The following ANKRD13B variants were observed in gnomAD, a reference collection of about 807,000 sequenced individuals.
ANKRD13B encodes the protein ankyrin repeat domain-containing protein 13B.
Under a neutral mutation model 74.4 loss-of-function variants are expected in ANKRD13B, and 33 were observed. The ratio of observed to expected loss-of-function variants is 0.44; its 90% CI spans 0.34 to 0.59. ANKRD13B has a LOEUF of 0.59. Ranked by LOEUF, ANKRD13B falls within the 20% of genes least tolerant of loss-of-function variation. The pLI, the probability that ANKRD13B is intolerant of heterozygous loss-of-function variation, is 0.02. For missense variants in ANKRD13B, 676 were observed against 877.9 expected (o/e 0.77, Z 2.91); for synonymous variants, 341 against 362.9 (o/e 0.94, Z 0.68).
chr17:29,593,821 C>A, intron 1 of ANKRD13B, 86 bp downstream of exon 1: 2 of 732,124 alleles, frequency 2.7e-6, no homozygotes, highest in Non-Finnish European at 3.7e-6. Context: ...CGGGCTGTCC[C>A]GCCTCCCTGG....
At position 29,610,615 on chromosome 17, in the gene ANKRD13B, A is replaced by C. The variant is rs2034548347; in HGVS notation, c.823-70A>C. On this transcript the variant is annotated intron_variant, in intron 7 of 14. Coordinates refer to ENST00000394859, the MANE Select transcript of ANKRD13B (RefSeq NM_152345.5). ...ACCCTTTGCTACAGGGAGTGTTCCC[A>C]GTGCCCTTAGGGGTAAGACACAGGG... is the stretch of plus-strand genomic sequence containing the variant. 2.1e-6 allele frequency: 3 copies of C among 1,435,692 alleles called. No individual in the cohort carries two copies. The East Asian group carries it at 7.0e-5, about 33-fold the overall frequency. The allele number at this position is 1,435,692 out of a possible 1,614,324, so 88.9% of individuals were successfully genotyped here.
At chr17:29,610,633 A>C in intron 7 of ANKRD13B, 52 bp from the exon 8 acceptor site, 1 of 1,570,084 alleles carries the variant, frequency 6.4e-7, no homozygotes, top group Non-Finnish European at 8.7e-7. Context: ...TAGGGGTAAG[A>C]CACAGGGTAA....
chr17:29,610,142 C>T (rs1394440566), intron 7 of ANKRD13B, among the ~76,000 whole-genome samples: 3 of 149,208 alleles, frequency 2.0e-5, no homozygotes, highest in Admixed American at 6.8e-5. Context: ...CAGTGTGCAG[C>T]GATCCCGCCA....
intron 1 of ANKRD13B, among the ~76,000 whole-genome samples, chr17:29,603,007 C>T (rs1274369930): frequency 1.3e-5 from 2 of 151,900 alleles, no homozygotes; most frequent in South Asian, 2.1e-4. Flanking sequence ...CCCACCACCA[C>T]GCCTGGCTAA....
At chr17:29,604,024 C>T (rs1169846149) in intron 1 of ANKRD13B, among the ~76,000 whole-genome samples, 4 of 151,308 alleles carry the variant, frequency 2.6e-5, no homozygotes, top group African/African-American at 7.3e-5. Flanking sequence ...TACAGGCTCA[C>T]GTGAGCCACC....
Position 29,612,468 on chromosome 17 carries a change from C to G in ANKRD13B, c.1325C>G (p.Pro442Arg). ...GGGAACCTCAACGGCTGCGACGAAC[C>G]GGTGCCATCGGTGCGAGGCAGCCCC... ...TFGNLNGCDE[P>R]VPSVRGSPSS... The change falls in exon 12 of 15, where the codon CCG becomes CGG. Residue 442 changes from proline to arginine, a missense_variant. Pro to Arg is a moderately radical substitution (Grantham distance 103, BLOSUM62 -2). Coordinates refer to ENST00000394859, the MANE Select transcript of ANKRD13B (RefSeq NM_152345.5). This position sits in a 1 kb window ranked among gnomAD's most constrained non-coding sequence, Gnocchi z 6.1. 3.1e-6 allele frequency: 5 copies of G among 1,598,922 alleles called. No homozygotes were observed. The highest frequency in any genetic ancestry group is 4.3e-6 in the Non-Finnish European group (5 of 1,172,784).
At position 29,613,387 on chromosome 17, in the gene ANKRD13B, GCCC is replaced by G. The variant is rs765958314; in HGVS notation, c.1689_1691del (p.Pro564del). 2 of 1,482,510 alleles carry G rather than the reference GCCC, an allele frequency of 1.3e-6. No individual in the cohort carries two copies. The highest frequency in any genetic ancestry group is 1.8e-6 in the Non-Finnish European group (2 of 1,122,560). 91.8% of individuals were successfully genotyped at this position (1,482,510 alleles called of 1,614,324 possible). On this transcript the variant is annotated inframe_deletion, in exon 15 of 15. Transcript: ENST00000394859. ...CGCCCACGCCGCAGCGCCAGCCTGC[GCCC>G]CCGGCGTCAGTGCCCAGCCCTCGGC...
chr17:29,608,027 C>G lies in ANKRD13B; in HGVS notation c.292C>G (p.Gln98Glu). The change falls in exon 3 of 15, where the codon CAG (glutamine) becomes GAG (glutamate). Residue 98 changes from glutamine to glutamate, a missense_variant. Gln to Glu is a conservative substitution (Grantham distance 29). Around this residue, in one of 4 missense-constraint regions of ANKRD13B, gnomAD observed 328 missense variants for 518.4 expected, o/e 0.63. Transcript: ENST00000394859. This position sits in a 1 kb window ranked among gnomAD's most constrained non-coding sequence, Gnocchi z 6.4. ...AVSTRDLELV[Q>E]LVLRYRDYQR... is the part of the protein sequence containing the mutation. Reference sequence around the variant, plus strand: ...GAGTACCCGGGACCTGGAGCTGGTGCAGCTGGTGCTTCGGTACCGGGACTA... The same window carrying G: ...GAGTACCCGGGACCTGGAGCTGGTGGAGCTGGTGCTTCGGTACCGGGACTA... 6.2e-7 allele frequency: 1 copy of G among 1,612,292 alleles called. No individual in the cohort carries two copies. The highest frequency in any genetic ancestry group is 8.5e-7 in the Non-Finnish European group (1 of 1,179,220).
Position 29,607,773 on chromosome 17 carries a change from G to C in ANKRD13B, c.146G>C (p.Arg49Pro). The C allele has an allele frequency of 6.2e-7, 1 of 1,601,544 alleles. No homozygotes were observed. ...ATCGAGCAGCTGGATCCCCGCGGCC[G>C]GACTCCCCTGCACCTGGCCACCACG... is the stretch of plus-strand genomic sequence containing the variant. ...VDIEQLDPRG[R>P]TPLHLATTLG... The change falls in exon 2 of 15, where the codon CGG becomes CCG. Residue 49 changes from arginine (R) to proline (P), a missense_variant. Arg to Pro is a moderately radical substitution (Grantham distance 103). Coordinates refer to ENST00000394859, the MANE Select transcript of ANKRD13B (RefSeq NM_152345.5).
In ANKRD13B at chr17:29,612,742, G is replaced by T; in HGVS notation, c.1502G>T (p.Arg501Leu). 1 of 1,601,792 alleles carries T rather than the reference G, an allele frequency of 6.2e-7. No individual in the cohort carries two copies. The highest frequency in any genetic ancestry group is 1.7e-5 in the Admixed American group (1 of 59,782). Residue 501 changes from arginine (R) to leucine (L), a missense_variant, in exon 13 of 15, where the codon CGG (arginine) becomes CTG (leucine). Arg to Leu is a moderately radical substitution (Grantham distance 102). This residue lies in a region of ANKRD13B where 152 missense variants were observed against 181.4 expected (regional missense o/e 0.84). Coordinates refer to ENST00000394859, the MANE Select transcript of ANKRD13B (RefSeq NM_152345.5). This position sits in a 1 kb window ranked among gnomAD's most constrained non-coding sequence, Gnocchi z 6.1. ...MMGGQREAAT[R>L]DDDDDLLQFA... ...GGCGGCCAGCGGGAGGCGGCGACCC[G>T]GGACGACGACGACGACCTGCTGCAA...
rs2033831789 is a variant in ANKRD13B, at chr17:29,593,327, G to A, written c.-295G>A. The A allele has an allele frequency of 6.8e-6, 1 of 147,958 alleles. No individual in the cohort carries two copies. The highest frequency in any genetic ancestry group is 2.4e-5 in the African/African-American group (1 of 40,970). The allele number at this position is 147,958 out of a possible 1,614,324, so 9.2% of individuals were successfully genotyped here. ...CGCCGAGCGGCGTCTTTGTGTGCGG[G>A]GGTGTGGGAGGCGAGCGCGAGTCCG... On this transcript the variant is annotated 5_prime_UTR_variant, in exon 1 of 15. Coordinates refer to ENST00000394859, the MANE Select transcript of ANKRD13B (RefSeq NM_152345.5).
rs1382597656 is a variant in ANKRD13B, at chr17:29,614,276, C to A, written c.*694C>A. 1.4e-5 allele frequency: 2 copies of A among 147,350 alleles called. No individual in the cohort carries two copies. The highest frequency in any genetic ancestry group is 3.0e-5 in the Non-Finnish European group (2 of 67,556). The allele number at this position is 147,350 out of a possible 1,614,324, so 9.1% of individuals were successfully genotyped here. A position where few individuals can be genotyped will look rare whatever the true frequency, so the allele number is the denominator to read the frequency against. ...TTTTGTGATCAGGGAGTGTGTCCAA[C>A]GTAGCCCCCTGGCCTGTGCAAGCCC... On this transcript the variant is annotated 3_prime_UTR_variant, in exon 15 of 15. Coordinates refer to ENST00000394859, the MANE Select transcript of ANKRD13B (RefSeq NM_152345.5).
At chr17:29,613,118 G>T in intron 14 of ANKRD13B, 155 bp downstream of exon 14, 1 of 1,200,442 alleles carries the variant, frequency 8.3e-7, no homozygotes, top group Non-Finnish European at 1.2e-6. Flanking sequence ...CGGCAGGCAG[G>T]GGTCAGGGAT....
Position 29,593,665 on chromosome 17 carries a change from A to G in ANKRD13B, c.44A>G (p.Lys15Arg), listed in dbSNP as rs990518172. 1.4e-6 allele frequency: 2 copies of G among 1,427,160 alleles called. No homozygotes were observed. Among genetic ancestry groups the G allele is most frequent in the African/African-American group, 1.5e-5 (1 of 67,166 alleles). 88.4% of individuals were successfully genotyped at this position (1,427,160 alleles called of 1,614,324 possible). ...TCCGCCAGGAAGGGGCCCGAGGGCA[A>G]GTATCCGCTGCACTACCTCGTGTGG... ...NASARKGPEG[K>R]YPLHYLVWHN... The change falls in exon 1 of 15, where the codon AAG (lysine) becomes AGG (arginine). Residue 15 changes from lysine (K) to arginine (R), a missense_variant. By Grantham distance (26) the Lys-to-Arg change is conservative (BLOSUM62 2). Coordinates refer to ENST00000394859, the MANE Select transcript of ANKRD13B (RefSeq NM_152345.5).
At position 29,609,225 on chromosome 17, in the gene ANKRD13B, C is replaced by T. The variant is rs148747929; in HGVS notation, c.705C>T (p.Thr235=). The change falls in exon 6 of 15, where the codon ACC becomes ACT. Residue 235 remains threonine (T), a synonymous_variant. Coordinates refer to ENST00000394859, the MANE Select transcript of ANKRD13B (RefSeq NM_152345.5). This position sits in a 1 kb window ranked among gnomAD's most constrained non-coding sequence, Gnocchi z 4.0. ...AGGAACAGGTGCTGAGCCGGCTTAC[C>T]GCGCCCGTCGTCACCACTCAGCTTG... ...PTEEQVLSRL[T]APVVTTQLDT... is the part of the protein sequence containing the mutation. The T allele has an allele frequency of 1.4e-4, 222 of 1,613,004 alleles. No individual in the cohort carries two copies. Among genetic ancestry groups the T allele is most frequent in the African/African-American group, 1.0e-3 (75 of 75,054 alleles).
chr17:29,612,419 A>G lies in ANKRD13B; in HGVS notation c.1276A>G (p.Ile426Val). 5 of 1,612,100 alleles carry G rather than the reference A, an allele frequency of 3.1e-6. No individual in the cohort carries two copies. Among genetic ancestry groups the G allele is most frequent in the Non-Finnish European group, 4.2e-6 (5 of 1,179,204 alleles). The change falls in exon 12 of 15, where the codon ATC (isoleucine) becomes GTC (valine). Residue 426 changes from isoleucine (I) to valine (V), a missense_variant. Ile to Val is a conservative substitution (Grantham distance 29). This residue lies in a region of ANKRD13B where 328 missense variants were observed against 518.4 expected (regional missense o/e 0.63). Transcript: ENST00000394859. This position sits in a 1 kb window ranked among gnomAD's most constrained non-coding sequence, Gnocchi z 6.1. ...PVKIEIPIFH[I>V]LNARITFGNL... ...ATCCTCAGAAATCCCGATCTTCCAC[A>G]TCCTCAACGCCCGCATCACCTTCGG...
intron 1 of ANKRD13B, among the ~76,000 whole-genome samples, chr17:29,603,331 T>C (rs1475721409): frequency 6.6e-6 from 1 of 152,130 alleles, no homozygotes; most frequent in Non-Finnish European, 1.5e-5. Context: ...AGCCTCGAAC[T>C]CCTGGGCTCA....
In ANKRD13B at chr17:29,612,641, C is replaced by G. The variant is rs981014827; in HGVS notation, c.1412-11C>G. Reference sequence around the variant, plus strand: ...GCCCGGCCGTGCCTGACCCAGCCCCCGCGCCCCCAGCCTCCTGCCGCGGCT... The same window carrying G: ...GCCCGGCCGTGCCTGACCCAGCCCCGGCGCCCCCAGCCTCCTGCCGCGGCT... On this transcript the variant is annotated splice_polypyrimidine_tract_variant and intron_variant, in intron 12 of 14. Coordinates refer to ENST00000394859, the MANE Select transcript of ANKRD13B (RefSeq NM_152345.5). This position sits in a 1 kb window ranked among gnomAD's most constrained non-coding sequence, Gnocchi z 6.1. 3.9e-6 allele frequency: 6 copies of G among 1,531,814 alleles called. No individual in the cohort carries two copies. In the African/African-American group the frequency reaches 6.8e-5, roughly 17 times the overall value. 94.9% of individuals were successfully genotyped at this position (1,531,814 alleles called of 1,614,324 possible).
At chr17:29,606,681 A>C (rs2034389481) in intron 1 of ANKRD13B, among the ~76,000 whole-genome samples, 1 of 144,810 alleles carries the variant, frequency 6.9e-6, no homozygotes, top group Non-Finnish European at 1.5e-5. Flanking sequence ...GCTCAAGCCT[A>C]GGAGTTTGAG....
Sources: allele counts gnomAD v4.1 joint callset (sites outside exome capture counted in the v4.1 genomes callset), GRCh38; gene constraint gnomAD v4.1.1; regional missense constraint gnomAD v4.1.1; non-coding constraint Gnocchi (gnomAD v3.1); transcripts MANE v1.5; gene names NCBI Gene and HGNC (gene_info 2026-07-23, HGNC 2026-07-21).